The following PCDHGA3 variants were observed in gnomAD, a reference collection of about 807,000 sequenced individuals.
PCDHGA3 encodes protocadherin gamma subfamily A, 3, also known as protocadherin gamma-A3.
A neutral mutation model predicts 58.5 loss-of-function variants in PCDHGA3; 40 were observed. The ratio of observed to expected loss-of-function variants is 0.68; its 90% confidence interval spans 0.53 to 0.89. The LOEUF is 0.89. PCDHGA3 is among the 40% of genes least tolerant of loss of function. The probability of loss-of-function intolerance (pLI) is 0.00; values close to 1 mark genes in which losing one functional copy is unlikely to be tolerated. For synonymous variants in PCDHGA3, 530 were observed against 525.7 expected (o/e 1.01, Z -0.11); for missense variants, 1,223 against 1,195.9 (o/e 1.02, Z -0.33).
chr5:141,457,579 A>G (rs557894260), intron 1 of PCDHGA3, among the ~76,000 whole-genome samples: 123 of 152,346 alleles, frequency 8.1e-4, no homozygotes, highest in Non-Finnish European at 1.4e-3. Flanking sequence ...TTTTCTCTCC[A>G]GTCCTCATTT....
Position 141,431,423 on chromosome 5 carries a change from C to A in PCDHGA3, c.2425-63384C>A, listed in dbSNP as rs868299769. 20 of 1,613,552 alleles carry A rather than the reference C, an allele frequency of 1.2e-5. No individual in the cohort carries two copies. In the Admixed American group the frequency reaches 2.2e-4, roughly 17 times the overall value. ...GGCCTCCGACGGGGGCGACCCGGTG[C>A]GCACAGGCACCGCGCGCATCCGCGT... On this transcript the variant is annotated intron_variant, in intron 1 of 3. Coordinates refer to ENST00000253812, the MANE Select transcript of PCDHGA3 (RefSeq NM_018916.4). The surrounding 1 kb of genome is among the most constrained non-coding windows in gnomAD (Gnocchi z 4.8).
At chr5:141,414,085 G>C (rs1459185694) in intron 1 of PCDHGA3, 1 of 1,600,126 alleles carries the variant, frequency 6.2e-7, no homozygotes, top group Non-Finnish European at 8.5e-7. Context: ...ATATACTGGA[G>C]AAATAAAAAT....
At position 141,357,135 on chromosome 5, in the gene PCDHGA3, C is replaced by G. The variant is rs566379742; in HGVS notation, c.2424+10678C>G. On this transcript the variant is annotated intron_variant, in intron 1 of 3. Coordinates refer to ENST00000253812, the MANE Select transcript of PCDHGA3 (RefSeq NM_018916.4). Reference sequence around the variant, plus strand: ...CGCTCAAGCAGAGGCTTGTAGTGGTCGTCCAGGACCATGGCCAGCCCCCTC... The same window carrying G: ...CGCTCAAGCAGAGGCTTGTAGTGGTGGTCCAGGACCATGGCCAGCCCCCTC... The G allele has an allele frequency of 1.9e-4, 305 of 1,613,504 alleles. 5 individuals are homozygous for G. The South Asian group carries it at 3.1e-3, about 16-fold the overall frequency.
chr5:141,456,633 C>CT (rs1229637837), intron 1 of PCDHGA3, among the ~76,000 whole-genome samples: 1 of 152,182 alleles, frequency 6.6e-6, no homozygotes, highest in Non-Finnish European at 1.5e-5. Context: ...CTCTTCTTTA[C>CT]TACAGGTGTT....
intron 1 of PCDHGA3, among the ~76,000 whole-genome samples, chr5:141,467,087 C>T (rs1159093881): frequency 3.4e-5 from 5 of 147,240 alleles, no homozygotes; most frequent in African/African-American, 1.3e-4. Context: ...AAGTCTCACT[C>T]TGTCACACAG....
intron 1 of PCDHGA3, chr5:141,420,181 T>C (rs1590216182): frequency 6.2e-7 from 1 of 1,613,998 alleles, no homozygotes; most frequent in Non-Finnish European, 8.5e-7. Context: ...TTGATCATTG[T>C]CCAGCCACAC....
intron 1 of PCDHGA3, among the ~76,000 whole-genome samples, chr5:141,369,505 G>GA (rs1379316544): frequency 5.3e-5 from 8 of 150,772 alleles, no homozygotes; most frequent in African/African-American, 1.2e-4. Context: ...CACCTCTATA[G>GA]AAAAAAAAAG....
chr5:141,344,348 A>C lies in PCDHGA3; in HGVS notation c.315A>C (p.Lys105Asn), dbSNP rs556423693. ...CTCAGATCCCGCTGTGTCTGGTAAA[A>C]ATTAACATTCTGGTTGAGGATAAAT... ...LCAQIPLCLV[K>N]INILVEDKLK... The change falls in exon 1 of 4, where the codon AAA (lysine) becomes AAC (asparagine). Residue 105 changes from lysine (K) to asparagine (N), a missense_variant. Lys to Asn is a moderately conservative substitution (Grantham distance 94, BLOSUM62 0). This residue lies in a region of PCDHGA3 where 791 missense variants were observed against 708.5 expected (regional missense o/e 1.12). Coordinates refer to ENST00000253812, the MANE Select transcript of PCDHGA3 (RefSeq NM_018916.4). 5.0e-6 allele frequency: 8 copies of C among 1,613,946 alleles called. No individual in the cohort carries two copies. The African/African-American group carries it at 9.3e-5, about 19-fold the overall frequency.
chr5:141,496,132 C>T (rs865808904), intron 2 of PCDHGA3, among the ~76,000 whole-genome samples: 1 of 152,058 alleles, frequency 6.6e-6, no homozygotes, highest in African/African-American at 2.4e-5. Flanking sequence ...CCCTCACACA[C>T]TGAGCCTTTG....
At chr5:141,395,516 G>A (rs1402459220) in intron 1 of PCDHGA3, 1 of 407,820 alleles carries the variant, frequency 2.5e-6, no homozygotes, top group Non-Finnish European at 4.4e-6. Context: ...GTAGCTACCC[G>A]TCCATACTGG....
At position 141,381,826 on chromosome 5, in the gene PCDHGA3, CTTTTTTTT is replaced by C. The variant is rs770630741; in HGVS notation, c.2424+35384_2424+35391del. Among the ~76,000 whole-genome samples the C allele has an allele frequency of 3.5e-4, 26 of 74,290 alleles. 1 individual carries two copies. Among genetic ancestry groups the C allele is most frequent in the Admixed American group, 9.7e-4 (5 of 5,178 alleles). 48.7% of individuals were successfully genotyped at this position (74,290 alleles called of 152,430 possible). On this transcript the variant is annotated intron_variant, in intron 1 of 3. Transcript: ENST00000253812. Reference sequence around the variant, plus strand: ...TTTCTTTCTTTCTTTCTTTCTTCTTCTTTTTTTTTTTTTTTTTTTTTTGGCAGAGTTTT... The same window carrying C: ...TTTCTTTCTTTCTTTCTTTCTTCTTCTTTTTTTTTTTTTTGGCAGAGTTTT...
intron 1 of PCDHGA3, chr5:141,351,557 A>T (rs750757830): frequency 1.2e-6 from 2 of 1,614,024 alleles, no homozygotes. Flanking sequence ...CTCCAGGACA[A>T]GCATCACCCT....
At position 141,432,001 on chromosome 5, in the gene PCDHGA3, G is replaced by T. The variant is rs755338230; in HGVS notation, c.2425-62806G>T. On this transcript the variant is annotated intron_variant, in intron 1 of 3. Coordinates refer to ENST00000253812, the MANE Select transcript of PCDHGA3 (RefSeq NM_018916.4). This position sits in a 1 kb window ranked among gnomAD's most constrained non-coding sequence, Gnocchi z 6.0. Reference sequence around the variant, plus strand: ...CAGACATAGTCTTGGATAGGGAACAGGTTCCTAGCTACAACATCACAGTGA... The same window carrying T: ...CAGACATAGTCTTGGATAGGGAACATGTTCCTAGCTACAACATCACAGTGA... 4 of 1,614,220 alleles carry T rather than the reference G, an allele frequency of 2.5e-6. No homozygotes were observed. In the East Asian group the frequency reaches 8.9e-5, roughly 36 times the overall value.
intron 1 of PCDHGA3, chr5:141,377,857 T>C (rs1234593870): frequency 6.6e-6 from 1 of 152,172 alleles, no homozygotes. Context: ...AAAATTAAGA[T>C]TTAAAAGACT....
chr5:141,360,481 A>G, intron 1 of PCDHGA3: 1 of 1,613,874 alleles, frequency 6.2e-7, no homozygotes. Flanking sequence ...TCCACTAAAT[A>G]TTTTCTACAT....
chr5:141,476,234 G>A lies in PCDHGA3; in HGVS notation c.2425-18573G>A. 6.2e-7 allele frequency: 1 copy of A among 1,614,070 alleles called. No individual in the cohort carries two copies. The highest frequency in any genetic ancestry group is 8.5e-7 in the Non-Finnish European group (1 of 1,180,014). On this transcript the variant is annotated intron_variant, in intron 1 of 3. Coordinates refer to ENST00000253812, the MANE Select transcript of PCDHGA3 (RefSeq NM_018916.4). The surrounding 1 kb of genome is among the most constrained non-coding windows in gnomAD (Gnocchi z 7.6). Reference sequence around the variant, plus strand: ...GGTCATTCACTATGAGATCCCGGAGGAAAGAGAGAAGGGTTTCGCTGTGGG... The same window carrying A: ...GGTCATTCACTATGAGATCCCGGAGAAAAGAGAGAAGGGTTTCGCTGTGGG...
intron 1 of PCDHGA3, chr5:141,382,738 C>A (rs1464522704): frequency 1.7e-6 from 1 of 572,972 alleles, no homozygotes; most frequent in East Asian, 2.8e-5. Context: ...CACAGAGAAA[C>A]GACAGATTGC....
chr5:141,404,879 G>C (rs770577946), intron 1 of PCDHGA3: 1 of 1,613,906 alleles, frequency 6.2e-7, no homozygotes, highest in Non-Finnish European at 8.5e-7. Flanking sequence ...ACAGAGCCTT[G>C]TGGTGGCTGT....
In PCDHGA3 at chr5:141,477,913, T is replaced by G; in HGVS notation, c.2425-16894T>G. ...CACGGGTGGTAGGCTGGGACGCGGA[T>G]GCAGGGCACAATGCCTGGCTCTCCT... On this transcript the variant is annotated intron_variant, in intron 1 of 3. Transcript: ENST00000253812. This position sits in a 1 kb window ranked among gnomAD's most constrained non-coding sequence, Gnocchi z 4.9. 6.2e-7 allele frequency: 1 copy of G among 1,614,190 alleles called. No individual in the cohort carries two copies. Among genetic ancestry groups the G allele is most frequent in the Non-Finnish European group, 8.5e-7 (1 of 1,180,024 alleles).
Sources: allele counts gnomAD v4.1 joint callset (sites outside exome capture counted in the v4.1 genomes callset), GRCh38; gene constraint gnomAD v4.1.1; regional missense constraint gnomAD v4.1.1; non-coding constraint Gnocchi (gnomAD v3.1); transcripts MANE v1.5; gene names NCBI Gene and HGNC (gene_info 2026-07-23, HGNC 2026-07-21).